Variants in TANGO6 observed in about 807,000 individuals in gnomAD.
TANGO6 encodes the protein transport and Golgi organization protein 6 homolog.
Under a neutral mutation model 114.2 loss-of-function variants are expected in TANGO6, and 90 were observed. The observed-to-expected ratio is 0.79, with a 90% CI of 0.66 to 0.94. The LOEUF is 0.94. Among genes scored for constraint, TANGO6 ranks in the 40% least tolerant of loss-of-function variants. TANGO6 has a pLI of 0.00. For synonymous variants in TANGO6, 477 were observed against 509.8 expected, an observed-to-expected ratio of 0.94 and a Z score of 0.87; for missense variants, 1,274 against 1,315.3, an observed-to-expected ratio of 0.97 and a Z score of 0.49.
At chr16:68,978,786 C>T (rs1485716007) in intron 15 of TANGO6, among the ~76,000 whole-genome samples, 1 of 151,956 alleles carries the variant, frequency 6.6e-6, no homozygotes, top group Non-Finnish European at 1.5e-5. Context: ...TACCTCTCCA[C>T]ATCATGCTAG....
chr16:68,882,436 G>T (rs1430836729), intron 7 of TANGO6, among the ~76,000 whole-genome samples: 1 of 151,932 alleles, frequency 6.6e-6, no homozygotes. Context: ...GGCAGAGCTT[G>T]CAGTGAGCCG....
chr16:68,993,375 T>C (rs1597051008), intron 15 of TANGO6, among the ~76,000 whole-genome samples: 1 of 152,384 alleles, frequency 6.6e-6, no homozygotes, highest in African/African-American at 2.4e-5. Flanking sequence ...ATTCAATATA[T>C]GTATGAGAAA....
At chr16:68,892,880 A>T (rs1962645893) in intron 7 of TANGO6, among the ~76,000 whole-genome samples, 1 of 152,062 alleles carries the variant, frequency 6.6e-6, no homozygotes, top group African/African-American at 2.4e-5. Flanking sequence ...CACACCACGC[A>T]ATTGAAAAGC....
intron 14 of TANGO6, among the ~76,000 whole-genome samples, chr16:68,947,036 CA>C (rs1963420849): frequency 1.3e-5 from 2 of 152,162 alleles, no homozygotes; most frequent in Non-Finnish European, 2.9e-5. Context: ...CAAGATTACA[CA>C]GCAAATAATT....
chr16:68,973,189 G>A (rs1271500747), intron 14 of TANGO6: 1 of 455,986 alleles, frequency 2.2e-6, no homozygotes, highest in Admixed American at 2.3e-5. Context: ...GAAACCCAAA[G>A]CAGAGTTGAT....
chr16:69,021,726 A>G (rs1233323684), intron 15 of TANGO6, among the ~76,000 whole-genome samples: 2 of 152,144 alleles, frequency 1.3e-5, no homozygotes, highest in African/African-American at 4.8e-5. Flanking sequence ...AAGACAGGGA[A>G]AAGTAGGCTG....
At chr16:69,037,354 G>A (rs1218268187) in intron 16 of TANGO6, among the ~76,000 whole-genome samples, 2 of 152,168 alleles carry the variant, frequency 1.3e-5, no homozygotes, top group Non-Finnish European at 2.9e-5. Flanking sequence ...CTAGGCCAGG[G>A]AGCCTTGGTC....
intron 17 of TANGO6, among the ~76,000 whole-genome samples, chr16:69,057,936 C>T (rs994130185): frequency 7.2e-5 from 11 of 152,150 alleles, no homozygotes; most frequent in Admixed American, 7.2e-4. Context: ...AGCAACTTCC[C>T]ACAATGTACA....
chr16:69,082,101 A>C (rs915608209), intron 17 of TANGO6, among the ~76,000 whole-genome samples: 4 of 151,910 alleles, frequency 2.6e-5, no homozygotes, highest in Non-Finnish European at 2.9e-5. Flanking sequence ...CTCCTGCCTC[A>C]TCCTCCCAAG....
intron 4 of TANGO6, among the ~76,000 whole-genome samples, chr16:68,869,924 G>A (rs755155717): frequency 2.6e-5 from 4 of 152,216 alleles, no homozygotes; most frequent in Admixed American, 6.5e-5. Context: ...AGAGTGGTGC[G>A]CAGTGAGTGG....
In TANGO6 at chr16:68,863,119, GTCT is replaced by G. The variant is rs140219884; in HGVS notation, c.852+65_852+67del. 1,782 of 1,064,712 alleles carry G rather than the reference GTCT, an allele frequency of 1.7e-3. 26 individuals are homozygous for G. The African/African-American group carries it at 0.023, about 14-fold the overall frequency. 66.0% of individuals were successfully genotyped at this position (1,064,712 alleles called of 1,614,324 possible). On this transcript the variant is annotated intron_variant, in intron 3 of 17. Transcript: ENST00000261778. ...CATTAATGATAATGTGTGGTTTGCT[GTCT>G]TCTTCTGGAAAATTAAATAACTTTA...
intron 1 of TANGO6, among the ~76,000 whole-genome samples, chr16:68,852,696 G>T (rs1961924760): frequency 6.6e-6 from 1 of 152,012 alleles, no homozygotes; most frequent in African/African-American, 2.4e-5. Flanking sequence ...AGTCAGGTGG[G>T]GTGGTATGCA....
intron 15 of TANGO6, among the ~76,000 whole-genome samples, chr16:68,991,511 C>T (rs543479937): frequency 3.5e-4 from 53 of 152,210 alleles, no homozygotes; most frequent in African/African-American, 1.3e-3. Flanking sequence ...TGTGGTGGTG[C>T]ACTCCTGTAA....
intron 15 of TANGO6, among the ~76,000 whole-genome samples, chr16:68,980,435 A>ATATTTTTT (rs1317961639): frequency 6.5e-5 from 4 of 61,778 alleles, no homozygotes; most frequent in African/African-American, 2.9e-4. Context: ...ATATATATAT[A>ATATTTTTT]TTTTTTTTTT....
At chr16:69,070,768 TA>T (rs1435893799) in intron 17 of TANGO6, among the ~76,000 whole-genome samples, 3 of 148,218 alleles carry the variant, frequency 2.0e-5, no homozygotes, top group African/African-American at 7.4e-5. Context: ...TTATTATTAT[TA>T]TTATTATTAT....
intron 4 of TANGO6, among the ~76,000 whole-genome samples, chr16:68,872,291 T>C (rs1320680030): frequency 6.6e-6 from 1 of 151,792 alleles, no homozygotes; most frequent in African/African-American, 2.4e-5. Context: ...TTGGGGTCTG[T>C]TCTACTGATT....
intron 15 of TANGO6, among the ~76,000 whole-genome samples, chr16:68,984,011 C>T (rs188978393): frequency 6.8e-4 from 99 of 145,282 alleles, no homozygotes; most frequent in Admixed American, 1.7e-3. Context: ...CCAGCCTGGG[C>T]GACAGAGCAA....
At chr16:69,012,591 A>G (rs1053955085) in intron 15 of TANGO6, among the ~76,000 whole-genome samples, 5 of 150,974 alleles carry the variant, frequency 3.3e-5, no homozygotes, top group Non-Finnish European at 4.4e-5. Context: ...AAAAAAAAAA[A>G]AAAGAAAGAA....
At chr16:68,879,973 G>GA (rs112327869) in intron 6 of TANGO6, among the ~76,000 whole-genome samples, 12 of 146,906 alleles carry the variant, frequency 8.2e-5, no homozygotes, top group African/African-American at 1.3e-4. Flanking sequence ...AGTTTAAAAT[G>GA]AAAAAAAATT....
Sources: allele counts gnomAD v4.1 joint callset (sites outside exome capture counted in the v4.1 genomes callset), GRCh38; gene constraint gnomAD v4.1.1; transcripts MANE v1.5; gene names NCBI Gene and HGNC (gene_info 2026-07-23, HGNC 2026-07-21).